The following EPHA6 variants were observed in gnomAD, a reference collection of about 807,000 sequenced individuals.
EPHA6 encodes ephrin type-A receptor 6.
Under a neutral mutation model 112.0 loss-of-function variants are expected in EPHA6, and 50 were observed. The observed-to-expected ratio is 0.45, with a 90% CI of 0.36 to 0.56. The LOEUF (loss-of-function observed/expected upper bound fraction) is 0.56, where lower values mean the gene tolerates loss of function less well. EPHA6 is among the 20% of genes least tolerant of loss of function. The pLI, the probability that EPHA6 is intolerant of heterozygous loss-of-function variation, is 0.00. For synonymous variants in EPHA6, 529 were observed against 490.7 expected (o/e 1.08, Z -1.03); for missense variants, 1,280 against 1,417.4 (o/e 0.90, Z 1.56).
At chr3:97,684,316 A>C (rs1196926356) in intron 14 of EPHA6, among the ~76,000 whole-genome samples, 1 of 152,188 alleles carries the variant, frequency 6.6e-6, no homozygotes, top group Non-Finnish European at 1.5e-5. Context: ...TAAGATTTAA[A>C]GGCCTTTGGA....
chr3:96,901,645 G>A (rs935441773), intron 2 of EPHA6, among the ~76,000 whole-genome samples: 3 of 152,136 alleles, frequency 2.0e-5, no homozygotes, highest in African/African-American at 7.2e-5. Flanking sequence ...AAGGCTGAGA[G>A]TGGTGTGTTG....
At chr3:97,660,522 G>A (rs539590199) in intron 14 of EPHA6, among the ~76,000 whole-genome samples, 192 of 152,108 alleles carry the variant, frequency 1.3e-3, no homozygotes, top group Non-Finnish European at 2.4e-3. Flanking sequence ...TAAGTGAGGC[G>A]GGGCACAATT....
At chr3:97,493,042 G>T (rs1179890020) in intron 10 of EPHA6, among the ~76,000 whole-genome samples, 5 of 149,616 alleles carry the variant, frequency 3.3e-5, no homozygotes, top group Non-Finnish European at 7.4e-5. Flanking sequence ...AATGGCTAGT[G>T]ACTTTTTAGT....
At chr3:97,623,736 CTT>C (rs957707733) in intron 13 of EPHA6, among the ~76,000 whole-genome samples, 1 of 151,626 alleles carries the variant, frequency 6.6e-6, no homozygotes, top group Admixed American at 6.6e-5. Context: ...AAGCCCAACT[CTT>C]AATACTATCA....
intron 3 of EPHA6, among the ~76,000 whole-genome samples, chr3:97,111,315 T>A (rs1206172793): frequency 6.6e-6 from 1 of 152,194 alleles, no homozygotes; most frequent in Non-Finnish European, 1.5e-5. Context: ...TCTATTATTG[T>A]GGTGTTCATT....
chr3:96,882,758 G>GTGTGTGTGTT (rs1295148609), intron 2 of EPHA6, among the ~76,000 whole-genome samples: 1 of 145,092 alleles, frequency 6.9e-6, no homozygotes, highest in Non-Finnish European at 1.5e-5. Context: ...GTGTGTGTGT[G>GTGTGTGTGTT]TGTGTGTGTG....
intron 3 of EPHA6, among the ~76,000 whole-genome samples, chr3:97,167,877 A>G (rs1197707869): frequency 1.3e-5 from 2 of 151,936 alleles, no homozygotes; most frequent in Admixed American, 6.6e-5. Flanking sequence ...TTTTATTATT[A>G]GTACCATAGC....
intron 3 of EPHA6, among the ~76,000 whole-genome samples, chr3:97,134,660 A>G (rs2075725182): frequency 6.6e-6 from 1 of 152,208 alleles, no homozygotes; most frequent in South Asian, 2.1e-4. Flanking sequence ...AGCAGTAACT[A>G]TATCTCATTA....
chr3:97,040,948 T>A lies in EPHA6; in HGVS notation c.1114+52955T>A, dbSNP rs188961086. ...CCTATTTACTCAAAAATTATAGGAA[T>A]CTTTACCCTTATCCAGACAATCTTT... On this transcript the variant is annotated intron_variant, in intron 3 of 17. Coordinates refer to ENST00000389672, the MANE Select transcript of EPHA6 (RefSeq NM_001080448.3). 7.3e-3 allele frequency among the ~76,000 whole-genome samples: 1,115 copies of A among 152,238 alleles called. 10 individuals are homozygous for A. Among genetic ancestry groups the A allele is most frequent in the Non-Finnish European group, 0.012 (822 of 67,998 alleles).
At chr3:96,981,987 G>T (rs984170280) in intron 2 of EPHA6, among the ~76,000 whole-genome samples, 1 of 151,686 alleles carries the variant, frequency 6.6e-6, no homozygotes, top group African/African-American at 2.4e-5. Context: ...CAATTTTGTT[G>T]ATCTTTTCAA....
chr3:97,455,243 C>A (rs1184494919), intron 7 of EPHA6, among the ~76,000 whole-genome samples: 1 of 151,996 alleles, frequency 6.6e-6, no homozygotes, highest in Non-Finnish European at 1.5e-5. Context: ...TTCATAACAA[C>A]ATATTTGTGA....
chr3:97,366,597 C>G (rs1330520749), intron 5 of EPHA6, among the ~76,000 whole-genome samples: 1 of 151,238 alleles, frequency 6.6e-6, no homozygotes, highest in Non-Finnish European at 1.5e-5. Flanking sequence ...CACCATGGAA[C>G]ACACAATTAC....
intron 13 of EPHA6, among the ~76,000 whole-genome samples, chr3:97,628,738 G>T (rs2107527552): frequency 6.6e-6 from 1 of 151,946 alleles, no homozygotes; most frequent in South Asian, 2.1e-4. Flanking sequence ...TATAAATCTA[G>T]TAAAGATGGC....
At chr3:97,624,671 T>A in intron 13 of EPHA6, among the ~76,000 whole-genome samples, 1 of 151,634 alleles carries the variant, frequency 6.6e-6, no homozygotes, top group East Asian at 1.9e-4. Context: ...AAAGCCATCA[T>A]CATCAGGTCC....
At position 97,648,189 on chromosome 3, in the gene EPHA6, T is replaced by C. The variant is rs1576197070; in HGVS notation, c.2784+10107T>C. The C allele has an allele frequency of 2.1e-5, 12 of 572,082 alleles. No individual in the cohort carries two copies. The East Asian group carries it at 3.3e-4, about 16-fold the overall frequency. 35.4% of individuals were successfully genotyped at this position (572,082 alleles called of 1,614,324 possible). A position where few individuals can be genotyped will look rare whatever the true frequency, so the allele number is the denominator to read the frequency against. On this transcript the variant is annotated intron_variant, in intron 14 of 17. Transcript: ENST00000389672. ...TCTGACAGCAGCAATTCAGTCGAAA[T>C]ACTTTGTTGAAATACAGAGCCTCAT... is the stretch of plus-strand genomic sequence containing the variant.
intron 14 of EPHA6, among the ~76,000 whole-genome samples, chr3:97,680,764 G>A (rs1266898675): frequency 6.6e-6 from 1 of 152,166 alleles, no homozygotes; most frequent in Admixed American, 6.5e-5. Context: ...ACAAATGAAT[G>A]TTGGGACTTG....
chr3:97,233,998 CT>C (rs1426055119), intron 4 of EPHA6, among the ~76,000 whole-genome samples: 4 of 152,054 alleles, frequency 2.6e-5, no homozygotes, highest in Admixed American at 2.6e-4. Flanking sequence ...AGCAACAAAC[CT>C]AAAATTTTTC....
At chr3:97,527,715 T>C (rs976369946) in intron 10 of EPHA6, among the ~76,000 whole-genome samples, 5 of 152,148 alleles carry the variant, frequency 3.3e-5, no homozygotes, top group African/African-American at 1.2e-4. Context: ...GTGTATGGGA[T>C]GCAGTTTGGT....
chr3:96,921,318 TTAA>T (rs1302015334), intron 2 of EPHA6, among the ~76,000 whole-genome samples: 2 of 152,118 alleles, frequency 1.3e-5, no homozygotes, highest in Admixed American at 1.3e-4. Context: ...AATTATGATA[TTAA>T]TATTTTTCAA....
Sources: allele counts gnomAD v4.1 joint callset (sites outside exome capture counted in the v4.1 genomes callset), GRCh38; gene constraint gnomAD v4.1.1; transcripts MANE v1.5; gene names NCBI Gene and HGNC (gene_info 2026-07-23, HGNC 2026-07-21).